The following OTOGL variants were observed in gnomAD, a reference collection of about 807,000 sequenced individuals.
OTOGL encodes the protein otogelin-like protein.
OTOGL carries 285 observed loss-of-function variants against 318.5 expected under a neutral mutation model. That is an observed-to-expected ratio of 0.89 (90% CI 0.81 to 0.99). The LOEUF is 0.99. Among genes scored for constraint, OTOGL ranks in the 50% least tolerant of loss-of-function variants. OTOGL has a pLI of 0.00. For missense variants in OTOGL, 2,899 were observed against 2,845.6 expected, an observed-to-expected ratio of 1.02 and a Z score of -0.43; for synonymous variants, 987 against 936.5, an observed-to-expected ratio of 1.05 and a Z score of -0.99.
intron 1 of OTOGL, among the ~76,000 whole-genome samples, chr12:80,184,347 C>T (rs1875136858): frequency 2.0e-5 from 3 of 152,116 alleles, no homozygotes; most frequent in African/African-American, 7.2e-5. Context: ...TTTCCTTTTC[C>T]ACTATAGTTA....
At chr12:80,310,500 A>G (rs2137787876) in intron 29 of OTOGL, 111 bp from the exon 30 acceptor site, 1 of 666,680 alleles carries the variant, frequency 1.5e-6, no homozygotes, top group African/African-American at 1.8e-5. Flanking sequence ...TCCTATCTAA[A>G]AGGATGAGAA....
At chr12:80,137,949 A>G (rs531570199) in intron 1 of OTOGL, among the ~76,000 whole-genome samples, 2 of 152,326 alleles carry the variant, frequency 1.3e-5, no homozygotes, top group South Asian at 4.1e-4. Context: ...CCTTTTAGAT[A>G]GAGGAGCTAA....
chr12:80,166,896 T>C (rs940811647), intron 1 of OTOGL, among the ~76,000 whole-genome samples: 8 of 152,170 alleles, frequency 5.3e-5, no homozygotes, highest in Non-Finnish European at 1.2e-4. Flanking sequence ...AAAAAAATGC[T>C]GTGCTCTGGG....
At chr12:80,333,147 A>G in intron 38 of OTOGL, 69 bp downstream of exon 38, 2 of 1,398,786 alleles carry the variant, frequency 1.4e-6, no homozygotes, top group South Asian at 2.5e-5. Context: ...TTCTGTGTCA[A>G]TATCCAAATG....
At position 80,222,255 on chromosome 12, in the gene OTOGL, T is replaced by A. The variant is rs780183721; in HGVS notation, c.489+10T>A. ...TCGGTACACTGTATGGGTAGGTGAT[T>A]GTAGGACATGATTAACTTAAAAATA... On this transcript the variant is annotated intron_variant, in intron 7 of 58. Transcript: ENST00000547103. 6.4e-7 allele frequency: 1 copy of A among 1,565,156 alleles called. No homozygotes were observed. Among genetic ancestry groups the A allele is most frequent in the East Asian group, 2.2e-5 (1 of 44,530 alleles).
chr12:80,126,896 A>G (rs138220522), intron 1 of OTOGL, among the ~76,000 whole-genome samples: 1,836 of 152,200 alleles, frequency 0.012, 42 homozygotes, highest in African/African-American at 0.042. Context: ...TTTGCTTGGT[A>G]GATCTTCCTC....
At chr12:80,277,558 G>A (rs772107954) in intron 24 of OTOGL, among the ~76,000 whole-genome samples, 13 of 150,512 alleles carry the variant, frequency 8.6e-5, no homozygotes, top group South Asian at 4.1e-4. Context: ...CACTTTCAGC[G>A]TATAATCTTT....
rs1266321769 is a variant in OTOGL, at chr12:80,378,263, CTG to C, written c.*217_*218del. 14 of 447,874 alleles carry C rather than the reference CTG, an allele frequency of 3.1e-5. No homozygotes were observed. The highest frequency in any genetic ancestry group is 1.4e-4 in the African/African-American group (7 of 50,806). The allele number at this position is 447,874 out of a possible 1,614,324, so 27.7% of individuals were successfully genotyped here. A position where few individuals can be genotyped will look rare whatever the true frequency, so the allele number is the denominator to read the frequency against. On this transcript the variant is annotated 3_prime_UTR_variant, in exon 59 of 59. Coordinates refer to ENST00000547103, the MANE Select transcript of OTOGL (RefSeq NM_001378609.3). ...TACTCTATTTTAGAAAATCAAATGACTGTAAGTTGTTCAGCTGAAATGCTGTT... is the reference window on the plus strand; with the variant it reads ...TACTCTATTTTAGAAAATCAAATGACTAAGTTGTTCAGCTGAAATGCTGTT...
At chr12:80,122,642 G>T (rs1235796661) in intron 1 of OTOGL, among the ~76,000 whole-genome samples, 2 of 152,138 alleles carry the variant, frequency 1.3e-5, no homozygotes, top group Non-Finnish European at 1.5e-5. Context: ...CAAAAGAAAT[G>T]AGGCACATTT....
chr12:80,136,960 A>G (rs937819918), intron 1 of OTOGL, among the ~76,000 whole-genome samples: 5 of 152,144 alleles, frequency 3.3e-5, no homozygotes, highest in African/African-American at 1.2e-4. Flanking sequence ...TAATTAGAAT[A>G]TTACTTAGCA....
At chr12:80,326,842 A>T (rs1321345789) in intron 35 of OTOGL, among the ~76,000 whole-genome samples, 1 of 152,180 alleles carries the variant, frequency 6.6e-6, no homozygotes, top group Non-Finnish European at 1.5e-5. Flanking sequence ...CTTGTCTTTA[A>T]AAAGTGTTGC....
chr12:80,258,062 T>TCTG, intron 18 of OTOGL, 60 bp downstream of exon 18: 1 of 1,379,268 alleles, frequency 7.3e-7, no homozygotes, highest in Admixed American at 2.8e-5. Flanking sequence ...AGGATATAAA[T>TCTG]TCATTAAAAA....
intron 42 of OTOGL, among the ~76,000 whole-genome samples, chr12:80,337,616 C>G (rs4842280): frequency 0.083 from 12,605 of 151,722 alleles, 582 homozygotes; most frequent in East Asian, 0.17. Flanking sequence ...ATGTGTTTGC[C>G]AAACAGGAGT....
chr12:80,307,652 C>T lies in OTOGL; in HGVS notation c.3333+1957C>T, dbSNP rs1261314181. The stretch of plus-strand genomic sequence containing the variant: ...CTCCCTCCTGGATGGGACGGCTGGC[C>T]GGGCAGAGTGGCTCCTCACTTCCCA... On this transcript the variant is annotated intron_variant, in intron 29 of 58. Transcript: ENST00000547103. Among the ~76,000 whole-genome samples the T allele has an allele frequency of 3.5e-5, 5 of 144,646 alleles. No individual in the cohort carries two copies. In the East Asian group the frequency reaches 6.5e-4, roughly 19 times the overall value. The allele number at this position is 144,646 out of a possible 152,430, so 94.9% of individuals were successfully genotyped here.
chr12:80,119,217 C>T (rs1161081220), intron 1 of OTOGL, among the ~76,000 whole-genome samples: 6 of 152,166 alleles, frequency 3.9e-5, no homozygotes, highest in African/African-American at 9.7e-5. Flanking sequence ...CAGTGAAATA[C>T]GATTCTGAGT....
chr12:80,235,939 T>C (rs1331043549), intron 9 of OTOGL, among the ~76,000 whole-genome samples: 2 of 152,202 alleles, frequency 1.3e-5, no homozygotes, highest in Non-Finnish European at 2.9e-5. Flanking sequence ...AAAATGTCTA[T>C]AGATGAGCAG....
intron 9 of OTOGL, among the ~76,000 whole-genome samples, chr12:80,235,943 T>A (rs1879809085): frequency 6.6e-6 from 1 of 152,210 alleles, no homozygotes; most frequent in South Asian, 2.1e-4. Flanking sequence ...TGTCTATAGA[T>A]GAGCAGTATT....
At chr12:80,178,426 A>G (rs1281193703) in intron 1 of OTOGL, among the ~76,000 whole-genome samples, 1 of 152,118 alleles carries the variant, frequency 6.6e-6, no homozygotes, top group African/African-American at 2.4e-5. Context: ...ACTTCCAAAC[A>G]TGCACAAATC....
intron 1 of OTOGL, among the ~76,000 whole-genome samples, chr12:80,119,453 T>A (rs1870357910): frequency 6.6e-6 from 1 of 152,236 alleles, no homozygotes; most frequent in South Asian, 2.1e-4. Flanking sequence ...AGAGATTGTC[T>A]ATAATAGAGA....
Sources: gnomAD v4.1 joint callset for allele counts (sites outside exome capture counted in the v4.1 genomes callset) on GRCh38, gnomAD v4.1.1 for gene constraint, MANE v1.5 for transcripts, NCBI Gene and HGNC (gene_info 2026-07-23, HGNC 2026-07-21) for gene names.